Variants in ATP8B4 observed in about 807,000 individuals in gnomAD.
ATP8B4 encodes probable phospholipid-transporting ATPase IM.
ATP8B4 carries 133 observed loss-of-function variants against 145.6 expected under a neutral mutation model. The observed-to-expected ratio is 0.91, with a 90% CI of 0.79 to 1.05. The LOEUF is 1.05. Among genes scored for constraint, ATP8B4 ranks in the 50% least tolerant of loss-of-function variants. The probability of loss-of-function intolerance (pLI) is 0.00; values close to 1 mark genes in which losing one functional copy is unlikely to be tolerated. For synonymous variants in ATP8B4, 507 were observed against 492.9 expected (o/e 1.03, Z -0.38); for missense variants, 1,458 against 1,425.2 (o/e 1.02, Z -0.37).
intron 25 of ATP8B4, among the ~76,000 whole-genome samples, chr15:49,868,432 T>C (rs777957211): frequency 6.6e-6 from 1 of 152,200 alleles, no homozygotes; most frequent in Non-Finnish European, 1.5e-5. Flanking sequence ...TACTCAAGGA[T>C]ATTTCTGCAC....
chr15:49,877,461 C>G (rs1285272483), intron 24 of ATP8B4, among the ~76,000 whole-genome samples: 1 of 152,188 alleles, frequency 6.6e-6, no homozygotes, highest in Non-Finnish European at 1.5e-5. Context: ...GAACATTCCC[C>G]TTCCTGCTTG....
intron 2 of ATP8B4, among the ~76,000 whole-genome samples, chr15:50,094,180 G>A (rs1352524661): frequency 1.3e-5 from 2 of 152,148 alleles, no homozygotes; most frequent in Non-Finnish European, 2.9e-5. Context: ...TCAGTAGGCA[G>A]CGTAAAGCAG....
chr15:49,907,359 C>G (rs1034612686), intron 20 of ATP8B4, among the ~76,000 whole-genome samples: 50 of 152,338 alleles, frequency 3.3e-4, no homozygotes, highest in African/African-American at 1.1e-3. Flanking sequence ...GACAAAGCCT[C>G]CTACTATTTC....
At chr15:50,085,945 G>T (rs1414631930) in intron 2 of ATP8B4, among the ~76,000 whole-genome samples, 7 of 87,076 alleles carry the variant, frequency 8.0e-5, no homozygotes, top group African/African-American at 3.5e-4. Flanking sequence ...ATTTATATAT[G>T]ATATATATCA....
intron 1 of ATP8B4, among the ~76,000 whole-genome samples, chr15:50,139,948 T>A (rs1367081946): frequency 6.6e-6 from 1 of 152,090 alleles, no homozygotes; most frequent in Non-Finnish European, 1.5e-5. Context: ...TCACTTATAA[T>A]AAATGGGAGG....
chr15:49,912,690 T>A (rs79856161), intron 20 of ATP8B4, among the ~76,000 whole-genome samples: 7,000 of 152,202 alleles, frequency 0.046, 203 homozygotes, highest in South Asian at 0.096. Flanking sequence ...ATTACCCTCA[T>A]ACCAAAATCA....
intron 1 of ATP8B4, among the ~76,000 whole-genome samples, chr15:50,130,464 TCA>T (rs2057338034): frequency 6.6e-6 from 1 of 152,110 alleles, no homozygotes; most frequent in Non-Finnish European, 1.5e-5. Flanking sequence ...TCTTGGGGTC[TCA>T]GTTTCTTCAT....
At chr15:49,987,874 A>C (rs2046754653) in intron 9 of ATP8B4, among the ~76,000 whole-genome samples, 2 of 152,260 alleles carry the variant, frequency 1.3e-5, no homozygotes, top group African/African-American at 4.8e-5. Context: ...AATTTTTGAA[A>C]AGATAAAGCA....
chr15:50,153,527 C>A (rs191132338), intron 1 of ATP8B4, among the ~76,000 whole-genome samples: 4 of 152,106 alleles, frequency 2.6e-5, no homozygotes, highest in East Asian at 3.9e-4. Flanking sequence ...TTAGTAGAGA[C>A]GGGGTTTCAC....
chr15:50,165,023 T>C (rs182324573), intron 1 of ATP8B4, among the ~76,000 whole-genome samples: 297 of 152,266 alleles, frequency 2.0e-3, no homozygotes, highest in African/African-American at 7.1e-3. Context: ...GTGTCTTTCC[T>C]ACCCTCTTCA....
chr15:50,129,902 G>A (rs2057333476), intron 1 of ATP8B4, among the ~76,000 whole-genome samples: 1 of 141,178 alleles, frequency 7.1e-6, no homozygotes, highest in South Asian at 2.2e-4. Flanking sequence ...GAGTCGAGAT[G>A]GTGCCACTGC....
At position 50,129,962 on chromosome 15, in the gene ATP8B4, A is replaced by AG. The variant is rs530728545; in HGVS notation, c.-42-22955_-42-22954insC. 4.5e-3 allele frequency among the ~76,000 whole-genome samples: 659 copies of AG among 145,990 alleles called. 10 individuals are homozygous for AG. Among genetic ancestry groups the AG allele is most frequent in the African/African-American group, 0.014 (563 of 40,412 alleles). On this transcript the variant is annotated intron_variant, in intron 1 of 3. Transcript: ENST00000558829. ...ACTCTGACTCAAAAAAAAAAAAAAA[A>AG]AAAAAAAGAAAGAAAAGAAAAGAAA... is the stretch of plus-strand genomic sequence containing the variant.
At chr15:49,950,572 A>G (rs1446312139) in intron 14 of ATP8B4, among the ~76,000 whole-genome samples, 2 of 143,018 alleles carry the variant, frequency 1.4e-5, no homozygotes, top group African/African-American at 5.1e-5. Flanking sequence ...TAGTCTAGCT[A>G]GCCATCTATG....
At chr15:50,021,289 C>T (rs1567212199) in intron 6 of ATP8B4, among the ~76,000 whole-genome samples, 1 of 152,248 alleles carries the variant, frequency 6.6e-6, no homozygotes, top group Non-Finnish European at 1.5e-5. Context: ...TCTCTCTCTG[C>T]TGTCTACTGT....
intron 6 of ATP8B4, among the ~76,000 whole-genome samples, chr15:50,036,707 T>C (rs536648022): frequency 1.3e-5 from 2 of 152,248 alleles, no homozygotes; most frequent in Non-Finnish European, 2.9e-5. Context: ...ATTCAACAGA[T>C]ACTGTGGTAG....
intron 20 of ATP8B4, among the ~76,000 whole-genome samples, chr15:49,902,788 T>C (rs1210433067): frequency 6.6e-6 from 1 of 152,144 alleles, no homozygotes; most frequent in Non-Finnish European, 1.5e-5. Flanking sequence ...GGGAGACAAG[T>C]TCCTTGGAAA....
chr15:50,062,926 C>T (rs8036590), intron 3 of ATP8B4, among the ~76,000 whole-genome samples: 1 of 152,172 alleles, frequency 6.6e-6, no homozygotes, highest in Middle Eastern at 3.4e-3. Context: ...GGTATTGAAT[C>T]TACAAGAGTC....
chr15:50,066,686 T>G (rs1463621169), intron 3 of ATP8B4, among the ~76,000 whole-genome samples: 1 of 152,180 alleles, frequency 6.6e-6, no homozygotes, highest in Admixed American at 6.5e-5. Context: ...TAAAAATGGT[T>G]GACCAAATTT....
chr15:49,866,445 C>T lies in ATP8B4; in HGVS notation c.3067G>A (p.Val1023Ile), dbSNP rs760415109. The T allele has an allele frequency of 6.7e-5, 108 of 1,613,512 alleles. No individual in the cohort carries two copies. The highest frequency in any genetic ancestry group is 9.9e-5 in the South Asian group (9 of 91,082). Residue 1023 changes from valine to isoleucine, a missense_variant, in exon 26 of 28, where the codon GTC (valine) becomes ATC (isoleucine). Val to Ile is a conservative substitution (Grantham distance 29, BLOSUM62 3). Coordinates refer to ENST00000284509, the MANE Select transcript of ATP8B4 (RefSeq NM_024837.4). ...DTSYWTFINH[V>I]FIWGSIAIYF... The stretch of plus-strand genomic sequence containing the variant: ...ATGGCAATGCTCCCCCAGATGAAGA[C>T]GTGATTAATGAAAGTCCAGTAACTG...
Sources: allele counts gnomAD v4.1 joint callset (sites outside exome capture counted in the v4.1 genomes callset), GRCh38; gene constraint gnomAD v4.1.1; transcripts MANE v1.5; gene names NCBI Gene and HGNC (gene_info 2026-07-23, HGNC 2026-07-21).